The following KAZN variants were observed in gnomAD, a reference collection of about 807,000 sequenced individuals.
KAZN encodes kazrin.
In KAZN, 40 loss-of-function variants were observed where a neutral mutation model predicts 87.4. The ratio of observed to expected loss-of-function variants is 0.46; its 90% CI spans 0.36 to 0.60. The LOEUF is 0.60. Among genes scored for constraint, KAZN ranks in the 20% least tolerant of loss-of-function variants. The pLI is 0.00. For synonymous variants in KAZN, 466 were observed against 458.3 expected (o/e 1.02, Z -0.22); for missense variants, 898 against 1,073.9 (o/e 0.84, Z 2.29).
At chr1:14,486,497 C>T (rs1934489) in intron 2 of KAZN, among the ~76,000 whole-genome samples, 48,743 of 151,984 alleles carry the variant, frequency 0.32, 8,095 homozygotes, top group East Asian at 0.44. Flanking sequence ...CATCATAGTT[C>T]ATTACTCTAC....
intron 1 of KAZN, among the ~76,000 whole-genome samples, chr1:14,722,464 G>A (rs1486302180): frequency 2.0e-5 from 3 of 152,164 alleles, no homozygotes; most frequent in African/African-American, 7.2e-5. Flanking sequence ...GTCAAGGTTT[G>A]TTTGTTGGAT....
intron 2 of KAZN, among the ~76,000 whole-genome samples, chr1:14,424,975 A>T (rs1169855099): frequency 6.6e-6 from 1 of 152,244 alleles, no homozygotes; most frequent in African/African-American, 2.4e-5. Flanking sequence ...CAAGGAAGAA[A>T]GTTATGCAAA....
intron 1 of KAZN, among the ~76,000 whole-genome samples, chr1:14,695,510 C>CT (rs112667110): frequency 0.057 from 4,839 of 85,050 alleles, 838 homozygotes; most frequent in African/African-American, 0.095. Flanking sequence ...TACATTCCAT[C>CT]TTTTTTTTTT....
At chr1:14,691,783 C>G (rs1176981399) in intron 1 of KAZN, among the ~76,000 whole-genome samples, 1 of 152,122 alleles carries the variant, frequency 6.6e-6, no homozygotes, top group Non-Finnish European at 1.5e-5. Flanking sequence ...CAAACAACCT[C>G]GCCTGGCCTG....
chr1:14,183,812 T>C (rs530544109), intron 2 of KAZN, among the ~76,000 whole-genome samples: 1 of 152,112 alleles, frequency 6.6e-6, no homozygotes, highest in East Asian at 1.9e-4. Context: ...GAAGGCCGAG[T>C]GCTAAAGGGT....
In KAZN at chr1:15,069,576, G is replaced by A. The variant is rs149685809; in HGVS notation, c.1222+3823G>A. On this transcript the variant is annotated intron_variant, in intron 8 of 14. Transcript: ENST00000376030. ...CGGGAGTTGGAGCTTGCAGTGAGCCGAGATCGCGCCACTGCGCTCCAACCT... is the reference window on the plus strand; with the variant it reads ...CGGGAGTTGGAGCTTGCAGTGAGCCAAGATCGCGCCACTGCGCTCCAACCT... Among the ~76,000 whole-genome samples the A allele has an allele frequency of 8.1e-3, 1,235 of 152,326 alleles. 28 individuals carry two copies. The highest frequency in any genetic ancestry group is 0.073 in the East Asian group (377 of 5,174).
At chr1:14,921,302 C>A (rs1272168803) in intron 1 of KAZN, among the ~76,000 whole-genome samples, 3 of 152,102 alleles carry the variant, frequency 2.0e-5, no homozygotes, top group Non-Finnish European at 2.9e-5. Context: ...GACGTATGTG[C>A]GCTTCAGGAG....
At chr1:14,410,126 G>C (rs1319368523) in intron 2 of KAZN, among the ~76,000 whole-genome samples, 1 of 152,200 alleles carries the variant, frequency 6.6e-6, no homozygotes, top group African/African-American at 2.4e-5. Flanking sequence ...TATTTTGAGA[G>C]AGGGTCTTGC....
At chr1:14,811,842 A>G (rs1646420369) in intron 1 of KAZN, among the ~76,000 whole-genome samples, 1 of 152,156 alleles carries the variant, frequency 6.6e-6, no homozygotes, top group South Asian at 2.1e-4. Context: ...CACGGGGGAA[A>G]TGACAAACCC....
At chr1:14,355,231 G>C (rs114438538) in intron 2 of KAZN, among the ~76,000 whole-genome samples, 2,765 of 152,184 alleles carry the variant, frequency 0.018, 71 homozygotes, top group African/African-American at 0.063. Flanking sequence ...ACTTTCTGGG[G>C]TGATATGTAT....
intron 1 of KAZN, among the ~76,000 whole-genome samples, chr1:14,710,790 A>C (rs1642443891): frequency 6.6e-6 from 1 of 152,192 alleles, no homozygotes; most frequent in East Asian, 1.9e-4. Flanking sequence ...CTCCAGTGGA[A>C]TGAAAGTTCT....
intron 2 of KAZN, among the ~76,000 whole-genome samples, chr1:14,420,913 TCCACACCTCCCCG>T (rs931583014): frequency 1.9e-4 from 19 of 101,800 alleles, no homozygotes; most frequent in Non-Finnish European, 3.9e-4. Flanking sequence ...ACACCTCCCC[TCCACACCTCCCCG>T]CAAGCAGAGG....
chr1:14,235,631 A>C lies in KAZN; in HGVS notation c.249+55039A>C, dbSNP rs146995770. The stretch of plus-strand genomic sequence containing the variant: ...TACGTGAATTATATCTCAATAAAGC[A>C]GTTGTAAAAAATAGAAAAATGTTTT... On this transcript the variant is annotated intron_variant, in intron 2 of 16. Coordinates refer to the KAZN transcript ENST00000636203. Among the ~76,000 whole-genome samples, 17 of 152,328 alleles carry C rather than the reference A, an allele frequency of 1.1e-4. No homozygotes were observed. In the East Asian group the frequency reaches 3.3e-3, roughly 29 times the overall value.
chr1:14,197,764 G>A (rs973251478), intron 2 of KAZN, among the ~76,000 whole-genome samples: 3 of 152,132 alleles, frequency 2.0e-5, no homozygotes, highest in Admixed American at 6.6e-5. Flanking sequence ...CTAGAAGAAT[G>A]AACAAATACG....
chr1:14,763,806 A>C (rs1644808531), intron 1 of KAZN, among the ~76,000 whole-genome samples: 1 of 152,144 alleles, frequency 6.6e-6, no homozygotes, highest in South Asian at 2.1e-4. Context: ...CTGCAGTGCA[A>C]TGGCACGATC....
intron 1 of KAZN, among the ~76,000 whole-genome samples, chr1:14,003,152 A>T (rs145249515): frequency 2.0e-5 from 3 of 151,910 alleles, no homozygotes; most frequent in Non-Finnish European, 4.4e-5. Flanking sequence ...GAGTTGAACA[A>T]TGAGAACACA....
At chr1:14,806,470 T>C (rs574228462) in intron 1 of KAZN, among the ~76,000 whole-genome samples, 20 of 152,314 alleles carry the variant, frequency 1.3e-4, no homozygotes, top group Non-Finnish European at 2.6e-4. Flanking sequence ...ACCTTCTCAT[T>C]TGGGCTTTCT....
At chr1:14,600,121 T>C (rs897396918) in intron 1 of KAZN, among the ~76,000 whole-genome samples, 2 of 152,034 alleles carry the variant, frequency 1.3e-5, no homozygotes, top group Non-Finnish European at 1.5e-5. Flanking sequence ...TCTTTTTGCC[T>C]AATTGCCCTT....
intron 1 of KAZN, among the ~76,000 whole-genome samples, chr1:14,780,955 G>A (rs1261228974): frequency 2.0e-5 from 3 of 152,212 alleles, no homozygotes. Context: ...ACTTGCAGCT[G>A]GAGTTACAGG....
Sources: gnomAD v4.1 joint callset for allele counts (sites outside exome capture counted in the v4.1 genomes callset) on GRCh38, gnomAD v4.1.1 for gene constraint, MANE v1.5 for transcripts, NCBI Gene and HGNC (gene_info 2026-07-23, HGNC 2026-07-21) for gene names.